The following CAPN12 variants were observed in gnomAD, a reference collection of about 807,000 sequenced individuals.
CAPN12 encodes calpain-12.
A neutral mutation model predicts 95.0 loss-of-function variants in CAPN12; 107 were observed. The observed-to-expected ratio is 1.13, with a 90% confidence interval of 0.96 to 1.32. The LOEUF is 1.32. Among genes scored for constraint, CAPN12 ranks in the 40% most tolerant of loss-of-function variants. The pLI, the probability that CAPN12 is intolerant of heterozygous loss-of-function variation, is 0.00. For missense variants in CAPN12, 1,136 were observed against 997.8 expected (o/e 1.14, Z -1.87); for synonymous variants, 505 against 415.5 (o/e 1.22, Z -2.62).
At chr19:38,732,997 T>C (rs1291978064) in intron 18 of CAPN12, 1 of 152,272 alleles carries the variant, frequency 6.6e-6, no homozygotes, top group Non-Finnish European at 1.5e-5. Context: ...GCAGAGGCCA[T>C]TGGCCGGCTC....
Position 38,744,302 on chromosome 19 carries a change from T to TTGGGGTGC in CAPN12, c.-145_-138dup. The TTGGGGTGC allele has an allele frequency of 1.2e-6, 1 of 845,726 alleles. No individual in the cohort carries two copies. Among genetic ancestry groups the TTGGGGTGC allele is most frequent in the East Asian group, 2.5e-5 (1 of 39,830 alleles). 52.4% of individuals were successfully genotyped at this position (845,726 alleles called of 1,614,324 possible). On this transcript the variant is annotated 5_prime_UTR_variant, in exon 1 of 21. Coordinates refer to ENST00000328867, the MANE Select transcript of CAPN12 (RefSeq NM_144691.4). ...TCCCTCGTTAATATTAATTGATGGTTTGGGGTGCTGGGGAGCAGGGACGCC... is the reference window on the plus strand; with the variant it reads ...TCCCTCGTTAATATTAATTGATGGTTTGGGGTGCTGGGGTGCTGGGGAGCAGGGACGCC...
At chr19:38,733,529 AT>A in intron 18 of CAPN12, 173 bp downstream of exon 18, 1 of 572,458 alleles carries the variant, frequency 1.7e-6, no homozygotes, top group South Asian at 2.3e-5. Flanking sequence ...CTCCTTCCTT[AT>A]TTGGCCTCTT....
intron 1 of CAPN12, 70 bp downstream of exon 1, chr19:38,743,859 G>A: frequency 6.8e-7 from 1 of 1,480,676 alleles, no homozygotes; most frequent in African/African-American, 1.4e-5. Context: ...TCCTTCCTCA[G>A]ACCCAGGAGT....
rs751754843 is a variant in CAPN12 at position 38,737,511 on chromosome 19, G to T, written c.1093C>A (p.Arg365Ser). Residue 365 changes from arginine (R) to serine (S), a missense_variant, in exon 9 of 21, where the codon CGT becomes AGT. Physicochemically the swap from Arg to Ser is moderately radical, Grantham distance 110. Transcript: ENST00000328867. Reference sequence around the variant, plus strand: ...TGGCTCCCGCCGGAGTTGAAGCCACGCACCCAGCGGCCTTGGAAGGTGTGG... The same window carrying T: ...TGGCTCCCGCCGGAGTTGAAGCCACTCACCCAGCGGCCTTGGAAGGTGTGG... ...HVHTFQGRWV[R>S]GFNSGGSQPN... The T allele has an allele frequency of 1.5e-5, 24 of 1,612,524 alleles. No homozygotes were observed. In the East Asian group the frequency reaches 3.8e-4, roughly 25 times the overall value.
intron 14 of CAPN12, 95 bp from the exon 15 acceptor site, chr19:38,734,965 T>C: frequency 8.4e-7 from 1 of 1,195,038 alleles, no homozygotes; most frequent in Non-Finnish European, 1.2e-6. Context: ...TGACAGAGCC[T>C]CAGAGCCCTA....
intron 12 of CAPN12, 40 bp from the exon 13 acceptor site, chr19:38,735,584 C>T (rs754984766): frequency 6.3e-7 from 1 of 1,598,388 alleles, no homozygotes; most frequent in South Asian, 1.1e-5. Flanking sequence ...GGGCTGTTTG[C>T]CCCAGCTGGG....
chr19:38,741,800 T>C lies in CAPN12; in HGVS notation c.537A>G (p.Pro179=). Residue 179 remains proline, a synonymous_variant, in exon 4 of 21, where the codon CCA becomes CCG. Transcript: ENST00000328867. ...ACTTGGCGTAGGCCTTCTCCAGGAG[T>C]GGGGCCCAGAACTCATTCCGCTGTT... ...RSEQRNEFWA[P]LLEKAYAKLH... 2 of 1,613,844 alleles carry C rather than the reference T, an allele frequency of 1.2e-6. No individual in the cohort carries two copies. The highest frequency in any genetic ancestry group is 8.5e-7 in the Non-Finnish European group (1 of 1,179,956).
At chr19:38,733,992 G>A (rs527394527) in intron 17 of CAPN12, 150 bp downstream of exon 17, 23 of 867,590 alleles carry the variant, frequency 2.7e-5, no homozygotes, top group South Asian at 1.2e-4. Context: ...GAGGCTGGGT[G>A]GGGGCAGGGA....
chr19:38,736,337 G>A lies in CAPN12; in HGVS notation c.1375-19C>T, dbSNP rs925053278. 6.2e-6 allele frequency: 9 copies of A among 1,449,704 alleles called. No individual in the cohort carries two copies. The South Asian group carries it at 1.0e-4, about 16-fold the overall frequency. The allele number at this position is 1,449,704 out of a possible 1,614,324, so 89.8% of individuals were successfully genotyped here. On this transcript the variant is annotated intron_variant, in intron 11 of 20. Transcript: ENST00000328867. ...CCAGCAGCTGGGGACGGGGCGGCAT[G>A]ACCACGGACCAGGCTCACCCCCGGC...
chr19:38,737,166 T>G lies in CAPN12; in HGVS notation c.1352A>C (p.His451Pro). The stretch of plus-strand genomic sequence containing the variant: ...TGCCCAGGACCTCACCTGGAACACG[T>G]GGAAGCCAACGGTGAGGTAAGTGAG... The part of the protein sequence containing the change: ...KGLTYLTVGF[H>P]VFQIPEELLG... The change falls in exon 10 of 21, where the codon CAC becomes CCC. Residue 451 changes from histidine (H) to proline (P), a missense_variant. By Grantham distance (77) the His-to-Pro change is moderately conservative. Transcript: ENST00000328867. The G allele has an allele frequency of 6.5e-7, 1 of 1,539,444 alleles. No individual in the cohort carries two copies.
chr19:38,743,878 C>CCA, intron 1 of CAPN12, 51 bp downstream of exon 1: 1 of 1,571,930 alleles, frequency 6.4e-7, no homozygotes. Context: ...GTCCATGCCT[C>CCA]CAGCCCCTCC....
rs1430856008 is a variant in CAPN12 at position 38,736,527 on chromosome 19, C to CAGGTTGA, written c.1374+24_1374+25insTCAACCT. The CAGGTTGA allele has an allele frequency of 1.7e-5, 26 of 1,528,750 alleles. No individual in the cohort carries two copies. The African/African-American group carries it at 2.1e-4, about 12-fold the overall frequency. The allele number at this position is 1,528,750 out of a possible 1,614,324, so 94.7% of individuals were successfully genotyped here. A position where few individuals can be genotyped will look rare whatever the true frequency, so the allele number is the denominator to read the frequency against. On this transcript the variant is annotated intron_variant, in intron 11 of 20. Coordinates refer to ENST00000328867, the MANE Select transcript of CAPN12 (RefSeq NM_144691.4). The stretch of plus-strand genomic sequence containing the variant: ...AGGGCAGGTTGACCAAGCCCCAGGG[C>CAGGTTGA]CGGTTGACCCCATCCCAGACTCACC...
At chr19:38,733,465 C>T in intron 18 of CAPN12, 1 of 514,098 alleles carries the variant, frequency 1.9e-6, no homozygotes. Context: ...AGAACCCCTA[C>T]CAGGCACATC....
rs142427507 is a variant in CAPN12, at chr19:38,741,895, G to A, written c.442C>T (p.Arg148Cys). ...TCATCCACCACGACGTCCATCCAGC[G>A]GCCAAACTGCCAGAGCTGGTGGGAG... ...VFHFQLWQFG[R>C]WMDVVVDDRL... The change falls in exon 4 of 21, where the codon CGC (arginine) becomes TGC (cysteine). Residue 148 changes from arginine (R) to cysteine (C), a missense_variant. By Grantham distance (180) the Arg-to-Cys change is radical. Transcript: ENST00000328867. 3.1e-5 allele frequency: 50 copies of A among 1,613,850 alleles called. No individual in the cohort carries two copies. The highest frequency in any genetic ancestry group is 1.0e-4 in the Admixed American group (6 of 60,002).
Position 38,734,283 on chromosome 19 carries a change from ACTCC to A in CAPN12, c.1815+32_1815+35del, listed in dbSNP as rs1397890579. ...GAGAGACCCCAACGTCCCCTTCCCC[ACTCC>A]CTCCCTCACCCAGGCACTGCCCCCC... On this transcript the variant is annotated intron_variant, in intron 16 of 20. Transcript: ENST00000328867. The A allele has an allele frequency of 6.9e-6, 11 of 1,598,374 alleles. No individual in the cohort carries two copies. The East Asian group carries it at 9.0e-5, about 13-fold the overall frequency.
chr19:38,736,766 C>T (rs920591311), intron 10 of CAPN12: 5 of 649,494 alleles, frequency 7.7e-6, no homozygotes, highest in African/African-American at 1.8e-5. Context: ...GCGCTCCCAG[C>T]GCCTTCTCTG....
At chr19:38,736,830 C>G (rs1374745232) in intron 10 of CAPN12, 1 of 589,720 alleles carries the variant, frequency 1.7e-6, no homozygotes, top group East Asian at 2.9e-5. Flanking sequence ...TGTCCCTAAC[C>G]TCGTCCCTCT....
At chr19:38,738,374 G>T (rs1430545475) in intron 7 of CAPN12, 27 bp from the exon 8 acceptor site, 2 of 1,611,476 alleles carry the variant, frequency 1.2e-6, no homozygotes, top group Admixed American at 3.3e-5. Context: ...GTGAGGGGCG[G>T]GCAGGTGGGG....
rs1200420930 is a variant in CAPN12 at position 38,740,183 on chromosome 19, G to A, written c.597C>T (p.His199=). ...HGSYEVMRGG[H]MNEAFVDFTG... ...TGAAATCCACAAAAGCCTCATTCAT[G>A]TGGCCGCCCCGCATCACCTCATAGG... Residue 199 remains histidine, a synonymous_variant, in exon 5 of 21, where the codon CAC becomes CAT. Transcript: ENST00000328867. The A allele has an allele frequency of 6.2e-7, 1 of 1,612,016 alleles. No individual in the cohort carries two copies. The highest frequency in any genetic ancestry group is 1.1e-5 in the South Asian group (1 of 90,558).
Sources: allele counts gnomAD v4.1 joint callset, GRCh38; gene constraint gnomAD v4.1.1; transcripts MANE v1.5; gene names NCBI Gene and HGNC (gene_info 2026-07-23, HGNC 2026-07-21).